The following PRKD1 variants were observed in gnomAD, a reference collection of about 807,000 sequenced individuals.
The protein encoded by PRKD1 is protein kinase D1.
PRKD1 carries 63 observed loss-of-function variants against 95.9 expected under a neutral mutation model. That is an observed-to-expected ratio of 0.66 (90% CI 0.54 to 0.81). The LOEUF is 0.81. Ranked by LOEUF, PRKD1 falls within the 30% of genes least tolerant of loss-of-function variation. PRKD1 has a pLI of 0.00. For missense variants in PRKD1, 1,048 were observed against 1,165.3 expected (o/e 0.90, Z 1.47); for synonymous variants, 425 against 423.1 (o/e 1.00, Z -0.05).
intron 1 of PRKD1, among the ~76,000 whole-genome samples, chr14:29,889,850 A>T (rs1893876679): frequency 6.6e-6 from 1 of 152,252 alleles, no homozygotes; most frequent in Non-Finnish European, 1.5e-5. Context: ...ACAAACCTGC[A>T]CGTTGTGCAT....
intron 1 of PRKD1, among the ~76,000 whole-genome samples, chr14:29,729,104 C>A (rs533178238): frequency 2.6e-5 from 4 of 152,212 alleles, no homozygotes; most frequent in Non-Finnish European, 4.4e-5. Context: ...ACCAAATTTT[C>A]TCCTATATTT....
At chr14:29,739,330 G>C (rs1004685685) in intron 1 of PRKD1, among the ~76,000 whole-genome samples, 2 of 152,146 alleles carry the variant, frequency 1.3e-5, no homozygotes, top group African/African-American at 2.4e-5. Context: ...GGCAGGGCTA[G>C]AATCTGACCC....
chr14:29,825,309 G>A (rs1161767463), intron 1 of PRKD1, among the ~76,000 whole-genome samples: 2 of 152,084 alleles, frequency 1.3e-5, no homozygotes, highest in African/African-American at 4.8e-5. Context: ...GGTATTATGT[G>A]GCAGATATAA....
intron 12 of PRKD1, among the ~76,000 whole-genome samples, chr14:29,625,852 C>G (rs1427958996): frequency 6.6e-6 from 1 of 151,882 alleles, no homozygotes; most frequent in Admixed American, 6.6e-5. Context: ...TATTAAGGAA[C>G]TGAAAGTTAT....
At chr14:29,921,546 A>G (rs1047620764) in intron 1 of PRKD1, among the ~76,000 whole-genome samples, 2 of 152,226 alleles carry the variant, frequency 1.3e-5, no homozygotes, top group East Asian at 1.9e-4. Context: ...GTAATCTTAG[A>G]TAAGTCACAA....
At chr14:29,796,321 C>A (rs1455846253) in intron 1 of PRKD1, among the ~76,000 whole-genome samples, 1 of 152,080 alleles carries the variant, frequency 6.6e-6, no homozygotes, top group Non-Finnish European at 1.5e-5. Flanking sequence ...AATGTTTAAT[C>A]ATAACAATAT....
chr14:29,578,508 T>G, intron 16 of PRKD1, 148 bp from the exon 17 acceptor site: 3 of 120,044 alleles, frequency 2.5e-5, no homozygotes, highest in Non-Finnish European at 1.4e-5. Flanking sequence ...CTCTTAAGAA[T>G]ACTGAAACTT....
At chr14:29,806,208 T>G (rs140470255) in intron 1 of PRKD1, among the ~76,000 whole-genome samples, 7 of 152,350 alleles carry the variant, frequency 4.6e-5, no homozygotes, top group Middle Eastern at 3.4e-3. Context: ...AAATATGCAA[T>G]TTACAGATTA....
chr14:29,781,321 GA>G (rs1342314938), intron 1 of PRKD1, among the ~76,000 whole-genome samples: 1 of 152,088 alleles, frequency 6.6e-6, no homozygotes, highest in Non-Finnish European at 1.5e-5. Context: ...GAGAGGACTG[GA>G]AACCAAGTTG....
At chr14:29,766,716 T>A (rs532423004) in intron 1 of PRKD1, among the ~76,000 whole-genome samples, 1 of 152,338 alleles carries the variant, frequency 6.6e-6, no homozygotes, top group East Asian at 1.9e-4. Context: ...GTTCTTCAGA[T>A]TTTGAGATAA....
intron 7 of PRKD1, among the ~76,000 whole-genome samples, chr14:29,636,042 T>C (rs1239811122): frequency 4.8e-5 from 1 of 20,782 alleles, no homozygotes; most frequent in Admixed American, 3.8e-4. Context: ...ATCTCTCACA[T>C]GCAAAAAAAA....
At chr14:29,772,803 T>C (rs1312972355) in intron 1 of PRKD1, among the ~76,000 whole-genome samples, 1 of 152,130 alleles carries the variant, frequency 6.6e-6, no homozygotes, top group South Asian at 2.1e-4. Flanking sequence ...CGATGCCCAT[T>C]TCTCTATTAT....
intron 1 of PRKD1, among the ~76,000 whole-genome samples, chr14:29,917,118 T>C (rs1168238165): frequency 2.0e-5 from 3 of 152,186 alleles, no homozygotes; most frequent in Non-Finnish European, 2.9e-5. Context: ...CATTTGACTA[T>C]TGATAAATGG....
At chr14:29,907,865 T>C (rs943666776) in intron 1 of PRKD1, among the ~76,000 whole-genome samples, 1 of 152,198 alleles carries the variant, frequency 6.6e-6, no homozygotes, top group Non-Finnish European at 1.5e-5. Context: ...TTCTTAAACA[T>C]GTATAGAGAT....
rs1890778648 is a variant in PRKD1 at position 29,818,455 on chromosome 14, T to C, written c.265-92781A>G. 3.3e-5 allele frequency among the ~76,000 whole-genome samples: 5 copies of C among 152,208 alleles called. No homozygotes were observed. In the South Asian group the frequency reaches 1.0e-3, roughly 31 times the overall value. ...GGTTTTCATTCTGTAAGGAATTAAT[T>C]TTTAAGTACCTGTAGTCAAAATTGT... On this transcript the variant is annotated intron_variant, in intron 1 of 17. Coordinates refer to ENST00000331968, the MANE Select transcript of PRKD1 (RefSeq NM_002742.3).
At chr14:29,855,047 A>G (rs1443178675) in intron 1 of PRKD1, among the ~76,000 whole-genome samples, 1 of 152,228 alleles carries the variant, frequency 6.6e-6, no homozygotes, top group African/African-American at 2.4e-5. Context: ...CAGGGCCCTC[A>G]TTGAGAAACT....
intron 2 of PRKD1, among the ~76,000 whole-genome samples, chr14:29,703,805 G>A (rs1884953849): frequency 6.6e-6 from 1 of 152,074 alleles, no homozygotes; most frequent in South Asian, 2.1e-4. Context: ...TCAGAACAAA[G>A]GTCCAGGCTC....
chr14:29,725,731 T>G lies in PRKD1; in HGVS notation c.265-57A>C. ...GTCAAAATCCTTCCAAATATTTTGT[T>G]TTAAATATTTCAGGGCACAAATACA... On this transcript the variant is annotated intron_variant, in intron 1 of 17. Transcript: ENST00000331968. 3 of 1,564,626 alleles carry G rather than the reference T, an allele frequency of 1.9e-6. No homozygotes were observed. In the South Asian group the frequency reaches 3.5e-5, roughly 18 times the overall value.
At chr14:29,581,324 T>C (rs1237079394) in intron 16 of PRKD1, among the ~76,000 whole-genome samples, 1 of 152,182 alleles carries the variant, frequency 6.6e-6, no homozygotes. Context: ...ATTTGAATTA[T>C]ACGCAAATAT....
Sources: gnomAD v4.1 joint callset for allele counts (sites outside exome capture counted in the v4.1 genomes callset) on GRCh38, gnomAD v4.1.1 for gene constraint, MANE v1.5 for transcripts, NCBI Gene and HGNC (gene_info 2026-07-23, HGNC 2026-07-21) for gene names.